CFAP299: variants seen among roughly 807,000 people sequenced by gnomAD.
CFAP299 encodes the protein cilia and flagella associated protein 299, also known as cilia- and flagella-associated protein 299.
CFAP299 carries 21 observed loss-of-function variants against 27.0 expected under a neutral mutation model. That is an observed-to-expected ratio of 0.78 (90% CI 0.55 to 1.12). CFAP299 has a LOEUF of 1.12. Among genes scored for constraint, CFAP299 ranks in the 50% most tolerant of loss-of-function variants. The probability of loss-of-function intolerance (pLI) is 0.00; values close to 1 mark genes in which losing one functional copy is unlikely to be tolerated. For missense variants in CFAP299, 310 were observed against 276.6 expected, an observed-to-expected ratio of 1.12 and a Z score of -0.86; for synonymous variants, 104 against 98.1, an observed-to-expected ratio of 1.06 and a Z score of -0.36.
At chr4:80,371,212 G>C (rs557643945) in intron 2 of CFAP299, among the ~76,000 whole-genome samples, 2 of 152,204 alleles carry the variant, frequency 1.3e-5, no homozygotes, top group Non-Finnish European at 2.9e-5. Context: ...GGGATGCAGG[G>C]ACTGGTGTCC....
chr4:80,962,357 A>G (rs1212469276), intron 5 of CFAP299, among the ~76,000 whole-genome samples: 2 of 151,958 alleles, frequency 1.3e-5, no homozygotes, highest in Non-Finnish European at 2.9e-5. Context: ...TGAAATAAAA[A>G]TAGCTGCAAA....
intron 2 of CFAP299, among the ~76,000 whole-genome samples, chr4:80,520,777 A>T (rs570956233): frequency 6.6e-6 from 1 of 152,248 alleles, no homozygotes; most frequent in Non-Finnish European, 1.5e-5. Context: ...ATATTTATGC[A>T]CATTAAACAA....
At chr4:80,808,157 T>G (rs1728960467) in intron 3 of CFAP299, among the ~76,000 whole-genome samples, 1 of 152,128 alleles carries the variant, frequency 6.6e-6, no homozygotes, top group Admixed American at 6.6e-5. Context: ...AGTTTTTCAT[T>G]TTGATACCGA....
At chr4:80,647,400 T>C (rs1480606773) in intron 3 of CFAP299, among the ~76,000 whole-genome samples, 1 of 152,190 alleles carries the variant, frequency 6.6e-6, no homozygotes, top group African/African-American at 2.4e-5. Flanking sequence ...TAAGGTGATA[T>C]CCTAAATAGA....
chr4:80,875,791 A>T (rs1733343866), intron 4 of CFAP299, among the ~76,000 whole-genome samples: 2 of 152,064 alleles, frequency 1.3e-5, no homozygotes, highest in South Asian at 4.1e-4. Flanking sequence ...TAGTGATACC[A>T]CCATCACCCT....
At chr4:80,702,788 A>G (rs1407414826) in intron 3 of CFAP299, among the ~76,000 whole-genome samples, 3 of 151,846 alleles carry the variant, frequency 2.0e-5, no homozygotes, top group Non-Finnish European at 1.5e-5. Flanking sequence ...TAAACCTTGT[A>G]TTATGTAACA....
chr4:80,790,205 G>A (rs1445498274), intron 3 of CFAP299, among the ~76,000 whole-genome samples: 1 of 151,984 alleles, frequency 6.6e-6, no homozygotes, highest in African/African-American at 2.4e-5. Context: ...CATAATTTCT[G>A]TGAAATATGA....
At chr4:80,751,052 G>A (rs1305117842) in intron 3 of CFAP299, among the ~76,000 whole-genome samples, 2 of 152,138 alleles carry the variant, frequency 1.3e-5, no homozygotes, top group African/African-American at 4.8e-5. Flanking sequence ...CAAGTTCTTT[G>A]CCCTTGCTGG....
intron 2 of CFAP299, among the ~76,000 whole-genome samples, chr4:80,365,684 A>C (rs141459509): frequency 4.6e-5 from 7 of 152,238 alleles, no homozygotes; most frequent in African/African-American, 1.7e-4. Context: ...TTTTGTGAGA[A>C]TCAGTCAATG....
intron 3 of CFAP299, among the ~76,000 whole-genome samples, chr4:80,751,392 T>C (rs1251380603): frequency 2.0e-5 from 3 of 152,148 alleles, no homozygotes; most frequent in Non-Finnish European, 2.9e-5. Flanking sequence ...TGCAGATCTT[T>C]TGTATTCTCC....
At chr4:80,723,467 A>G (rs1439511601) in intron 3 of CFAP299, among the ~76,000 whole-genome samples, 3 of 152,206 alleles carry the variant, frequency 2.0e-5, no homozygotes, top group Non-Finnish European at 4.4e-5. Context: ...TGAGTAAATC[A>G]GATAAATGAG....
At chr4:80,936,391 C>T (rs934616640) in intron 4 of CFAP299, among the ~76,000 whole-genome samples, 1 of 152,026 alleles carries the variant, frequency 6.6e-6, no homozygotes, top group East Asian at 1.9e-4. Context: ...ACCTAAACGC[C>T]CATCAATAGT....
chr4:80,368,595 C>G (rs563540777), intron 2 of CFAP299, among the ~76,000 whole-genome samples: 15 of 152,024 alleles, frequency 9.9e-5, no homozygotes, highest in African/African-American at 2.4e-4. Flanking sequence ...TCAAGACCAG[C>G]CTGGGCAACA....
At chr4:80,368,081 G>A (rs1303937406) in intron 2 of CFAP299, among the ~76,000 whole-genome samples, 1 of 152,190 alleles carries the variant, frequency 6.6e-6, no homozygotes, top group African/African-American at 2.4e-5. Flanking sequence ...AACTGGTTCT[G>A]AGATAATGAC....
At chr4:80,591,114 T>A (rs13127697) in intron 3 of CFAP299, among the ~76,000 whole-genome samples, 17 of 110,258 alleles carry the variant, frequency 1.5e-4, no homozygotes, top group African/African-American at 4.6e-4. Context: ...AATTTTTTTT[T>A]TTTTTTTTTT....
chr4:80,657,619 T>C (rs1740626967), intron 3 of CFAP299, among the ~76,000 whole-genome samples: 1 of 152,330 alleles, frequency 6.6e-6, no homozygotes, highest in South Asian at 2.1e-4. Flanking sequence ...CATGCTGTTT[T>C]GGTTACTGTA....
intron 4 of CFAP299, among the ~76,000 whole-genome samples, chr4:80,935,014 A>C (rs1427629748): frequency 6.6e-6 from 1 of 151,930 alleles, no homozygotes; most frequent in Non-Finnish European, 1.5e-5. Flanking sequence ...ATCACTATGA[A>C]GTCCCTTCTT....
At chr4:80,814,267 G>A (rs553538799) in intron 3 of CFAP299, among the ~76,000 whole-genome samples, 6 of 152,054 alleles carry the variant, frequency 3.9e-5, no homozygotes, top group Admixed American at 2.0e-4. Flanking sequence ...TTATTGAGAC[G>A]TTCACACATG....
At chr4:80,558,351 T>TTTG (rs1734875665) in intron 2 of CFAP299, among the ~76,000 whole-genome samples, 1 of 142,310 alleles carries the variant, frequency 7.0e-6, no homozygotes, top group Non-Finnish European at 1.5e-5. Flanking sequence ...TTTTTGTTTG[T>TTTG]TTGTTTGTTT....
Sources: allele counts gnomAD v4.1 joint callset (sites outside exome capture counted in the v4.1 genomes callset), GRCh38; gene constraint gnomAD v4.1.1; transcripts MANE v1.5; gene names NCBI Gene and HGNC (gene_info 2026-07-23, HGNC 2026-07-21).